Variants in RGS7 observed in about 807,000 individuals in gnomAD.
The protein encoded by RGS7 is regulator of G-protein signaling 7.
In RGS7, 27 loss-of-function variants were observed where a neutral mutation model predicts 81.1. The ratio of observed to expected loss-of-function variants is 0.33; its 90% CI spans 0.25 to 0.46. RGS7 has a LOEUF of 0.46. Ranked by LOEUF, RGS7 falls within the 20% of genes least tolerant of loss-of-function variation. The pLI, the probability that RGS7 is intolerant of heterozygous loss-of-function variation, is 1.00. For synonymous variants in RGS7, 208 were observed against 207.7 expected, an observed-to-expected ratio of 1.00 and a Z score of -0.01; for missense variants, 396 against 607.4, an observed-to-expected ratio of 0.65 and a Z score of 3.66.
intron 3 of RGS7, among the ~76,000 whole-genome samples, chr1:241,080,701 T>C (rs74150204): frequency 0.042 from 6,322 of 152,302 alleles, 175 homozygotes; most frequent in East Asian, 0.14. Context: ...GTTCATCTGT[T>C]GTGTATGCGT....
chr1:240,979,450 G>T (rs1272663026), intron 4 of RGS7, among the ~76,000 whole-genome samples: 1 of 152,114 alleles, frequency 6.6e-6, no homozygotes, highest in Non-Finnish European at 1.5e-5. Context: ...CAAAATTGAA[G>T]ACATGAAAAG....
chr1:241,273,890 G>C (rs755439226), intron 2 of RGS7, among the ~76,000 whole-genome samples: 8 of 146,878 alleles, frequency 5.4e-5, no homozygotes, highest in Non-Finnish European at 8.9e-5. Context: ...CTGGAAAAGA[G>C]TGGGCAGACA....
chr1:240,838,421 C>T (rs1695053532), intron 9 of RGS7, among the ~76,000 whole-genome samples: 1 of 152,192 alleles, frequency 6.6e-6, no homozygotes, highest in Non-Finnish European at 1.5e-5. Context: ...CCAGAGCCCT[C>T]CCTTTACAGG....
Position 240,784,013 on chromosome 1 carries a change from TA to T in RGS7, c.*7-7801del, listed in dbSNP as rs71172645. Among the ~76,000 whole-genome samples, 777 of 83,342 alleles carry T rather than the reference TA, an allele frequency of 9.3e-3. 5 individuals are homozygous for T. The highest frequency in any genetic ancestry group is 0.012 in the Non-Finnish European group (548 of 44,860). 54.7% of individuals were successfully genotyped at this position (83,342 alleles called of 152,430 possible). ...CAACATGGTGAAACCCTGTCTCTAC[TA>T]AAAAAAAAAAAAAAAAAAAAAAAAT... On this transcript the variant is annotated intron_variant, in intron 18 of 18. Transcript: ENST00000440928.
At chr1:240,974,526 G>A (rs989576117) in intron 4 of RGS7, among the ~76,000 whole-genome samples, 7 of 152,188 alleles carry the variant, frequency 4.6e-5, no homozygotes, top group African/African-American at 1.7e-4. Context: ...GCTGGAGAGG[G>A]TATGTGTCCT....
intron 3 of RGS7, among the ~76,000 whole-genome samples, chr1:241,069,310 C>G (rs1422664586): frequency 6.6e-6 from 1 of 152,166 alleles, no homozygotes; most frequent in Non-Finnish European, 1.5e-5. Flanking sequence ...TTCCATTTCT[C>G]CAGAGATACA....
At chr1:240,821,138 G>C (rs146273583) in intron 10 of RGS7, among the ~76,000 whole-genome samples, 1 of 152,094 alleles carries the variant, frequency 6.6e-6, no homozygotes, top group Non-Finnish European at 1.5e-5. Context: ...CTGCCACAAG[G>C]TTTCAGACCA....
At chr1:240,778,016 C>T (rs970273104) in intron 18 of RGS7, among the ~76,000 whole-genome samples, 266 of 129,956 alleles carry the variant, frequency 2.0e-3, no homozygotes, top group African/African-American at 7.9e-3. Flanking sequence ...GATCTAATGA[C>T]CTTCCAAAGG....
At chr1:241,118,958 G>A (rs923972959) in intron 2 of RGS7, among the ~76,000 whole-genome samples, 7 of 151,702 alleles carry the variant, frequency 4.6e-5, no homozygotes, top group Non-Finnish European at 7.4e-5. Flanking sequence ...TTGAGCCACG[G>A]GTATACTAGA....
intron 2 of RGS7, among the ~76,000 whole-genome samples, chr1:241,181,987 T>C (rs1305994395): frequency 1.3e-5 from 2 of 152,234 alleles, no homozygotes; most frequent in East Asian, 1.9e-4. Flanking sequence ...GAGCCATTCC[T>C]GGCCTGCTCT....
intron 4 of RGS7, among the ~76,000 whole-genome samples, chr1:240,978,331 C>T (rs1472085610): frequency 6.6e-6 from 1 of 152,054 alleles, no homozygotes; most frequent in Non-Finnish European, 1.5e-5. Context: ...CTAAAATACT[C>T]AACTTAAATG....
intron 6 of RGS7, 118 bp downstream of exon 6, chr1:240,930,599 G>C: frequency 3.2e-6 from 3 of 935,270 alleles, no homozygotes; most frequent in Non-Finnish European, 5.2e-6. Context: ...TAAAAATATT[G>C]GTCCCATCCT....
At chr1:241,109,365 T>A (rs1288294514) in intron 2 of RGS7, among the ~76,000 whole-genome samples, 1 of 152,106 alleles carries the variant, frequency 6.6e-6, no homozygotes, top group Non-Finnish European at 1.5e-5. Flanking sequence ...ACCTCTCTCA[T>A]CCCAACAGAA....
intron 3 of RGS7, among the ~76,000 whole-genome samples, chr1:240,999,289 T>C (rs1032358994): frequency 5.9e-5 from 9 of 151,862 alleles, no homozygotes. Context: ...GTGTCCAATC[T>C]TTTTTGGCTT....
At chr1:240,836,106 G>A (rs369262286) in intron 9 of RGS7, among the ~76,000 whole-genome samples, 11 of 149,358 alleles carry the variant, frequency 7.4e-5, no homozygotes, top group African/African-American at 2.5e-4. Context: ...TATCAGTGTC[G>A]GTTAATCGAT....
At chr1:240,879,978 G>A (rs1666098696) in intron 6 of RGS7, among the ~76,000 whole-genome samples, 1 of 152,116 alleles carries the variant, frequency 6.6e-6, no homozygotes. Context: ...TTTTTAAAAA[G>A]TCTATATTTG....
At chr1:241,082,887 A>G (rs972507505) in intron 3 of RGS7, among the ~76,000 whole-genome samples, 2 of 152,212 alleles carry the variant, frequency 1.3e-5, no homozygotes, top group African/African-American at 4.8e-5. Context: ...TACAAATACA[A>G]TGAGAACTTT....
At chr1:241,228,050 G>A (rs1260304813) in intron 2 of RGS7, among the ~76,000 whole-genome samples, 1 of 152,158 alleles carries the variant, frequency 6.6e-6, no homozygotes, top group African/African-American at 2.4e-5. Flanking sequence ...GACTTCTCAG[G>A]CTATGCCAGA....
At chr1:241,158,144 C>G (rs1056131887) in intron 2 of RGS7, among the ~76,000 whole-genome samples, 5 of 152,132 alleles carry the variant, frequency 3.3e-5, no homozygotes. Flanking sequence ...TATTAGGACA[C>G]AGCCATGCTA....
Sources: gnomAD v4.1 joint callset for allele counts (sites outside exome capture counted in the v4.1 genomes callset) on GRCh38, gnomAD v4.1.1 for gene constraint, MANE v1.5 for transcripts, NCBI Gene and HGNC (gene_info 2026-07-23, HGNC 2026-07-21) for gene names.